The following LRP1B variants were observed in gnomAD, a reference collection of about 807,000 sequenced individuals.
The protein encoded by LRP1B is LDL receptor related protein 1B, also known as low-density lipoprotein receptor-related protein 1B.
In LRP1B, 217 loss-of-function variants were observed where a neutral mutation model predicts 556.6. The observed-to-expected ratio is 0.39, with a 90% confidence interval of 0.35 to 0.44. The LOEUF is 0.44. Ranked by LOEUF, LRP1B falls within the 20% of genes least tolerant of loss-of-function variation. The pLI is 1.00. For missense variants in LRP1B, 5,053 were observed against 5,620.8 expected (o/e 0.90, Z 3.23); for synonymous variants, 2,047 against 1,865.8 (o/e 1.10, Z -2.50).
chr2:140,908,101 A>G, intron 21 of LRP1B, 24 bp from the exon 22 acceptor site: 1 of 1,594,272 alleles, frequency 6.3e-7, no homozygotes, highest in South Asian at 1.1e-5. Flanking sequence ...AAATAGTGTC[A>G]GTTTGATTTT....
chr2:141,946,027 CAGGGGTG>C (rs1274430186), intron 1 of LRP1B, among the ~76,000 whole-genome samples: 1 of 151,954 alleles, frequency 6.6e-6, no homozygotes, highest in Non-Finnish European at 1.5e-5. Context: ...ACCTGGAAGA[CAGGGGTG>C]GAGGCAGCTC....
At chr2:141,161,113 T>C (rs1680014059) in intron 7 of LRP1B, among the ~76,000 whole-genome samples, 1 of 152,128 alleles carries the variant, frequency 6.6e-6, no homozygotes, top group South Asian at 2.1e-4. Context: ...AGATTTTCTT[T>C]CTTCTATCCA....
At chr2:141,957,232 A>G (rs1404914355) in intron 1 of LRP1B, among the ~76,000 whole-genome samples, 1 of 151,992 alleles carries the variant, frequency 6.6e-6, no homozygotes, top group Non-Finnish European at 1.5e-5. Flanking sequence ...CAACTCATGT[A>G]TCTTTGCAGG....
intron 2 of LRP1B, among the ~76,000 whole-genome samples, chr2:141,646,767 G>A (rs548096609): frequency 2.1e-4 from 32 of 152,240 alleles, no homozygotes; most frequent in African/African-American, 6.7e-4. Flanking sequence ...TCAGAGAAAC[G>A]TAAGCAAGGC....
chr2:140,708,677 T>A (rs1017258715), intron 37 of LRP1B, among the ~76,000 whole-genome samples: 3 of 151,878 alleles, frequency 2.0e-5, no homozygotes, highest in African/African-American at 7.2e-5. Flanking sequence ...ATTAGCTTGT[T>A]TGCATTTATA....
At position 141,470,997 on chromosome 2, in the gene LRP1B, T is replaced by C. The variant is rs10204964; in HGVS notation, c.343+9399A>G. ...ATTTTGCTTAATATGGCTCCTCATG[T>C]TGTCGATTTTGACTTTCATTTACAC... On this transcript the variant is annotated intron_variant, in intron 3 of 90. Transcript: ENST00000389484. Among the ~76,000 whole-genome samples the C allele has an allele frequency of 4.7e-3, 723 of 152,274 alleles. 4 individuals carry two copies. The highest frequency in any genetic ancestry group is 0.016 in the African/African-American group (684 of 41,580).
chr2:141,568,998 C>T (rs1421252163), intron 2 of LRP1B, among the ~76,000 whole-genome samples: 1 of 150,598 alleles, frequency 6.6e-6, no homozygotes, highest in African/African-American at 2.4e-5. Flanking sequence ...AAACTCCTGA[C>T]CTCAGGTGAT....
chr2:141,327,890 G>GAC (rs757404653), intron 3 of LRP1B, among the ~76,000 whole-genome samples: 3,598 of 150,292 alleles, frequency 0.024, 132 homozygotes, highest in African/African-American at 0.082. Flanking sequence ...GAGAGAGAGA[G>GAC]AGAGAGAGAG....
At chr2:140,286,301 C>G (rs1029233708) in intron 84 of LRP1B, among the ~76,000 whole-genome samples, 2 of 151,766 alleles carry the variant, frequency 1.3e-5, no homozygotes, top group Non-Finnish European at 2.9e-5. Flanking sequence ...TATTCTGAAA[C>G]TAACCGAAGT....
At chr2:140,475,508 A>G (rs16844075) in intron 59 of LRP1B, among the ~76,000 whole-genome samples, 171 bp from the exon 60 acceptor site, 7,002 of 149,162 alleles carry the variant, frequency 0.047, 201 homozygotes, top group African/African-American at 0.05. Context: ...GTTTTATTAC[A>G]CATCTAGTAT....
At chr2:141,064,832 T>G (rs1426080547) in intron 7 of LRP1B, among the ~76,000 whole-genome samples, 1 of 151,934 alleles carries the variant, frequency 6.6e-6, no homozygotes, top group African/African-American at 2.4e-5. Context: ...TTTTTAAATA[T>G]TTAAAATTCA....
At chr2:140,548,594 A>G (rs911445326) in intron 43 of LRP1B, among the ~76,000 whole-genome samples, 5 of 152,140 alleles carry the variant, frequency 3.3e-5, no homozygotes, top group African/African-American at 1.2e-4. Context: ...TATGATAATT[A>G]AAAGAATACC....
intron 2 of LRP1B, among the ~76,000 whole-genome samples, chr2:141,531,141 G>A (rs529321839): frequency 6.6e-6 from 1 of 152,182 alleles, no homozygotes; most frequent in East Asian, 1.9e-4. Flanking sequence ...GATAGATGTA[G>A]CTATAGAATG....
intron 1 of LRP1B, among the ~76,000 whole-genome samples, chr2:141,862,479 G>C (rs1191486488): frequency 6.6e-6 from 1 of 151,984 alleles, no homozygotes; most frequent in Non-Finnish European, 1.5e-5. Context: ...TACAAATCTC[G>C]GCTCACGGCA....
At chr2:140,625,863 A>G (rs1336695200) in intron 41 of LRP1B, among the ~76,000 whole-genome samples, 3 of 152,156 alleles carry the variant, frequency 2.0e-5, no homozygotes, top group African/African-American at 7.2e-5. Context: ...TCCAGCATTC[A>G]TTCACCCTAT....
chr2:140,743,821 G>T (rs1386897646), intron 35 of LRP1B, among the ~76,000 whole-genome samples: 1 of 151,424 alleles, frequency 6.6e-6, no homozygotes, highest in South Asian at 2.1e-4. Flanking sequence ...TTAGCCGGGC[G>T]TGGTGGCGGG....
intron 35 of LRP1B, among the ~76,000 whole-genome samples, chr2:140,747,910 T>C (rs1006287998): frequency 2.0e-5 from 3 of 151,430 alleles, no homozygotes; most frequent in African/African-American, 4.8e-5. Flanking sequence ...TGATTGCAAA[T>C]GCGAGACTAT....
intron 18 of LRP1B, among the ~76,000 whole-genome samples, chr2:140,967,467 C>G (rs532993194): frequency 6.6e-6 from 1 of 152,142 alleles, no homozygotes; most frequent in Non-Finnish European, 1.5e-5. Context: ...TCTAAATATA[C>G]AATCATGTCA....
intron 1 of LRP1B, among the ~76,000 whole-genome samples, chr2:142,129,584 T>TCTC (rs1707775509): frequency 1.7e-4 from 23 of 134,832 alleles, no homozygotes; most frequent in African/African-American, 6.3e-4. Flanking sequence ...CTTTCTCTCT[T>TCTC]TCTCTCTCTC....
Sources: gnomAD v4.1 joint callset for allele counts (sites outside exome capture counted in the v4.1 genomes callset) on GRCh38, gnomAD v4.1.1 for gene constraint, MANE v1.5 for transcripts, NCBI Gene and HGNC (gene_info 2026-07-23, HGNC 2026-07-21) for gene names.